MDGA2: variants seen among roughly 807,000 people sequenced by gnomAD.
MDGA2 encodes the protein MAM domain-containing glycosylphosphatidylinositol anchor protein 2.
MDGA2 carries 40 observed loss-of-function variants against 117.8 expected under a neutral mutation model. The observed-to-expected ratio is 0.34, with a 90% CI of 0.26 to 0.44. The LOEUF (loss-of-function observed/expected upper bound fraction) is 0.44, where lower values mean the gene tolerates loss of function less well. MDGA2 is among the 20% of genes least tolerant of loss of function. MDGA2 has a pLI of 1.00. For missense variants in MDGA2, 1,123 were observed against 1,250.6 expected (o/e 0.90, Z 1.54); for synonymous variants, 452 against 439.0 (o/e 1.03, Z -0.37).
intron 3 of MDGA2, among the ~76,000 whole-genome samples, chr14:47,153,902 A>G (rs1030064036): frequency 4.6e-5 from 7 of 152,180 alleles, no homozygotes; most frequent in Non-Finnish European, 1.0e-4. Flanking sequence ...AAATTTGGCA[A>G]GTAATAGATC....
intron 1 of MDGA2, among the ~76,000 whole-genome samples, chr14:47,493,266 T>C (rs1894210223): frequency 6.7e-6 from 1 of 149,634 alleles, no homozygotes; most frequent in Non-Finnish European, 1.5e-5. Context: ...CTGGGACTGT[T>C]ATAACAAAAT....
chr14:47,401,504 C>G (rs560360928), intron 1 of MDGA2, among the ~76,000 whole-genome samples: 1 of 152,080 alleles, frequency 6.6e-6, no homozygotes, highest in African/African-American at 2.4e-5. Context: ...AGGTACTCAC[C>G]AAAAGGCTTA....
intron 1 of MDGA2, among the ~76,000 whole-genome samples, chr14:47,401,011 C>A (rs936358420): frequency 5.9e-5 from 9 of 151,514 alleles, no homozygotes; most frequent in African/African-American, 1.9e-4. Context: ...CTCACCTCGG[C>A]CTCCTAAAGT....
chr14:46,943,847 C>G (rs1230528033), intron 9 of MDGA2, among the ~76,000 whole-genome samples: 1 of 152,008 alleles, frequency 6.6e-6, no homozygotes, highest in Admixed American at 6.6e-5. Context: ...GTCATTGTTG[C>G]AACTACTCAC....
At chr14:47,199,455 A>G (rs531839511) in intron 3 of MDGA2, among the ~76,000 whole-genome samples, 1 of 152,298 alleles carries the variant, frequency 6.6e-6, no homozygotes, top group African/African-American at 2.4e-5. Flanking sequence ...GGTTTCACTA[A>G]TTTGTTGCTT....
At chr14:47,177,766 A>G (rs949185563) in intron 3 of MDGA2, among the ~76,000 whole-genome samples, 2 of 152,144 alleles carry the variant, frequency 1.3e-5, no homozygotes, top group African/African-American at 2.4e-5. Flanking sequence ...TAACTTGCAC[A>G]TTGTGCACAT....
chr14:46,869,348 A>ATTTT (rs1881905705), intron 14 of MDGA2, among the ~76,000 whole-genome samples: 2 of 120,854 alleles, frequency 1.7e-5, no homozygotes, highest in African/African-American at 7.4e-5. Flanking sequence ...CTCCTATGAG[A>ATTTT]TTCTTTTTTT....
intron 2 of MDGA2, among the ~76,000 whole-genome samples, chr14:47,235,171 G>T (rs1886817800): frequency 6.6e-6 from 1 of 151,944 alleles, no homozygotes; most frequent in Non-Finnish European, 1.5e-5. Flanking sequence ...TATCCTACTG[G>T]GTCATAAAAC....
At chr14:46,859,412 G>A (rs1172966809) in intron 14 of MDGA2, among the ~76,000 whole-genome samples, 3 of 152,132 alleles carry the variant, frequency 2.0e-5, no homozygotes, top group Admixed American at 2.0e-4. Flanking sequence ...ACAGACTTTT[G>A]GATTCAACCC....
chr14:47,378,087 C>T (rs1007940199), intron 1 of MDGA2, among the ~76,000 whole-genome samples: 8 of 152,156 alleles, frequency 5.3e-5, no homozygotes, highest in African/African-American at 1.4e-4. Context: ...CTGGTGATAC[C>T]AGTCAAACAG....
intron 1 of MDGA2, among the ~76,000 whole-genome samples, chr14:47,528,379 C>T (rs1218352886): frequency 2.0e-5 from 3 of 152,184 alleles, no homozygotes; most frequent in African/African-American, 7.2e-5. Context: ...TAGTTGTTTA[C>T]AGCTCATGAT....
chr14:47,478,925 C>G (rs1893897317), intron 1 of MDGA2, among the ~76,000 whole-genome samples: 1 of 152,070 alleles, frequency 6.6e-6, no homozygotes, highest in South Asian at 2.1e-4. Context: ...TCACTTTGGG[C>G]TTTTCGTGGG....
intron 1 of MDGA2, among the ~76,000 whole-genome samples, chr14:47,571,914 A>G (rs958612776): frequency 1.3e-5 from 2 of 152,228 alleles, no homozygotes; most frequent in African/African-American, 4.8e-5. Context: ...AATTAAAAAA[A>G]TACTGCATAC....
chr14:47,507,448 T>C (rs1280463822), intron 1 of MDGA2, among the ~76,000 whole-genome samples: 2 of 152,168 alleles, frequency 1.3e-5, no homozygotes, highest in East Asian at 3.9e-4. Context: ...CTCAATGTAA[T>C]ATCAATTGTA....
intron 1 of MDGA2, among the ~76,000 whole-genome samples, chr14:47,546,071 T>C (rs1036658606): frequency 3.9e-5 from 6 of 152,178 alleles, no homozygotes; most frequent in African/African-American, 1.2e-4. Context: ...AAAACTATTA[T>C]GCCAAGTAGT....
At chr14:47,185,050 T>C (rs1884856374) in intron 3 of MDGA2, among the ~76,000 whole-genome samples, 1 of 151,204 alleles carries the variant, frequency 6.6e-6, no homozygotes, top group Non-Finnish European at 1.5e-5. Context: ...TTTAACTTGA[T>C]AATAAAAGAT....
intron 8 of MDGA2, among the ~76,000 whole-genome samples, chr14:46,975,737 T>C (rs1433525804): frequency 1.3e-5 from 2 of 152,034 alleles, no homozygotes; most frequent in African/African-American, 2.4e-5. Flanking sequence ...ATACCATAAA[T>C]TGAGTGGCTT....
At chr14:47,197,206 G>A (rs1885318702) in intron 3 of MDGA2, among the ~76,000 whole-genome samples, 1 of 152,092 alleles carries the variant, frequency 6.6e-6, no homozygotes, top group Non-Finnish European at 1.5e-5. Flanking sequence ...GAATGTTTAT[G>A]TTCCCTCAAA....
At chr14:47,494,065 C>A (rs1399983825) in intron 1 of MDGA2, among the ~76,000 whole-genome samples, 1 of 152,108 alleles carries the variant, frequency 6.6e-6, no homozygotes, top group East Asian at 1.9e-4. Flanking sequence ...GGCTTTAATT[C>A]TCTTTACTCT....
Sources: gnomAD v4.1 joint callset for allele counts (sites outside exome capture counted in the v4.1 genomes callset) on GRCh38, gnomAD v4.1.1 for gene constraint, MANE v1.5 for transcripts, NCBI Gene and HGNC (gene_info 2026-07-23, HGNC 2026-07-21) for gene names.